The following RTN1 variants were observed in gnomAD, a reference collection of about 807,000 sequenced individuals.
The protein encoded by RTN1 is reticulon 1, also known as reticulon-1.
A neutral mutation model predicts 65.5 loss-of-function variants in RTN1; 25 were observed. The observed-to-expected ratio is 0.38, with a 90% confidence interval of 0.28 to 0.53. The LOEUF (loss-of-function observed/expected upper bound fraction) is 0.53, where lower values mean the gene tolerates loss of function less well. RTN1 is among the 20% of genes least tolerant of loss of function. RTN1 has a pLI of 0.79. For synonymous variants in RTN1, 471 were observed against 447.6 expected (o/e 1.05, Z -0.66); for missense variants, 983 against 1,025.4 (o/e 0.96, Z 0.57).
chr14:59,827,104 A>C (rs1359687346), intron 1 of RTN1, among the ~76,000 whole-genome samples: 2 of 152,050 alleles, frequency 1.3e-5, no homozygotes, highest in African/African-American at 4.8e-5. Context: ...TTTGAGACAG[A>C]GTCTCGCTCT....
chr14:59,654,219 A>G (rs1883074589), intron 3 of RTN1, among the ~76,000 whole-genome samples: 1 of 152,196 alleles, frequency 6.6e-6, no homozygotes, highest in Admixed American at 6.6e-5. Flanking sequence ...TGAGGTCGGG[A>G]GTTCGAGAAC....
intron 3 of RTN1, among the ~76,000 whole-genome samples, chr14:59,656,102 G>A (rs563301955): frequency 2.6e-5 from 4 of 152,142 alleles, no homozygotes; most frequent in Non-Finnish European, 4.4e-5. Context: ...AAAACATTAT[G>A]CTAGGAGAAA....
At chr14:59,808,033 A>C (rs1220770133) in intron 1 of RTN1, among the ~76,000 whole-genome samples, 3 of 152,192 alleles carry the variant, frequency 2.0e-5, no homozygotes, top group Non-Finnish European at 4.4e-5. Context: ...ATTATAAATT[A>C]TCTCTCTTCC....
chr14:59,663,142 C>T (rs1200704794), intron 3 of RTN1, among the ~76,000 whole-genome samples: 2 of 152,118 alleles, frequency 1.3e-5, no homozygotes, highest in South Asian at 2.1e-4. Flanking sequence ...TTTTGACAAA[C>T]CTGACAAGAA....
chr14:59,641,436 C>T (rs945638395), intron 3 of RTN1, among the ~76,000 whole-genome samples: 1 of 152,146 alleles, frequency 6.6e-6, no homozygotes, highest in Admixed American at 6.5e-5. Context: ...GTGGTGCGAT[C>T]TCAGCTCACT....
intron 1 of RTN1, among the ~76,000 whole-genome samples, chr14:59,857,351 T>C (rs1220310201): frequency 6.6e-6 from 1 of 152,184 alleles, no homozygotes; most frequent in Non-Finnish European, 1.5e-5. Context: ...TTATCTACAG[T>C]TGCCAAGTAG....
intron 1 of RTN1, among the ~76,000 whole-genome samples, chr14:59,778,602 G>C (rs1232627311): frequency 1.3e-5 from 2 of 152,172 alleles, no homozygotes; most frequent in Non-Finnish European, 2.9e-5. Flanking sequence ...AGTGAGGGAA[G>C]TTTGTAAACA....
At chr14:59,704,628 T>C (rs1049103089) in intron 3 of RTN1, among the ~76,000 whole-genome samples, 1 of 152,178 alleles carries the variant, frequency 6.6e-6, no homozygotes, top group Non-Finnish European at 1.5e-5. Flanking sequence ...AATTCAGCAT[T>C]GTGCTGTGCA....
At chr14:59,733,296 T>A (rs1884940171) in intron 2 of RTN1, among the ~76,000 whole-genome samples, 1 of 152,194 alleles carries the variant, frequency 6.6e-6, no homozygotes, top group Non-Finnish European at 1.5e-5. Context: ...TTTCACCATG[T>A]TGGCCATGCT....
Position 59,746,084 on chromosome 14 carries a change from G to A in RTN1, c.639C>T (p.Pro213=), listed in dbSNP as rs35699516. 5,143 of 1,613,904 alleles carry A rather than the reference G, an allele frequency of 3.2e-3. 139 individuals are homozygous for A. The African/African-American group carries it at 0.06, about 19-fold the overall frequency. The change falls in exon 2 of 9, where the codon CCC becomes CCT. Residue 213 remains proline, a synonymous_variant. Transcript: ENST00000267484. ...EEVKHQEQHH[P]ELEDKDLDFK... is the part of the protein sequence containing the mutation. ...AGTCCAAGTCTTTATCTTCCAGCTC[G>A]GGGTGATGTTGTTCTTGGTGCTTCA... is the stretch of plus-strand genomic sequence containing the variant.
At position 59,727,166 on chromosome 14, in the gene RTN1, G is replaced by C; in HGVS notation, c.1518C>G (p.Ala506=). The C allele has an allele frequency of 1.3e-6, 2 of 1,591,998 alleles. No homozygotes were observed. The highest frequency in any genetic ancestry group is 1.7e-6 in the Non-Finnish European group (2 of 1,169,270). Residue 506 remains alanine, a synonymous_variant, in exon 3 of 9, where the codon GCC becomes GCG. Coordinates refer to ENST00000267484, the MANE Select transcript of RTN1 (RefSeq NM_021136.3). The surrounding 1 kb of genome is among the most constrained non-coding windows in gnomAD (Gnocchi z 4.2). ...CCCGCCGGCTTGGCGCACGCTCCTC[G>C]GCCCGGACGCCAGTCTCCTCCCGGA... ...DAIREETGVR[A]EERAPSRRGL... is the part of the protein sequence containing the mutation.
At chr14:59,750,231 T>TATATATATTATATCTATAATATATA (rs1566713388) in intron 1 of RTN1, among the ~76,000 whole-genome samples, 6 of 39,542 alleles carry the variant, frequency 1.5e-4, no homozygotes, top group South Asian at 9.3e-4. Context: ...ATATCTATAA[T>TATATATATTATATCTATAATATATA]ATATATATTA....
chr14:59,827,836 T>C (rs1887061259), intron 1 of RTN1, among the ~76,000 whole-genome samples: 1 of 152,234 alleles, frequency 6.6e-6, no homozygotes. Context: ...TCTGGATATA[T>C]CTGCATTCAG....
chr14:59,621,848 G>A (rs1220102946), intron 3 of RTN1, among the ~76,000 whole-genome samples: 11 of 152,176 alleles, frequency 7.2e-5, no homozygotes, highest in Admixed American at 5.2e-4. Context: ...GACAAGTAGT[G>A]CAGCTATTTA....
Position 59,870,336 on chromosome 14 carries a change from A to G in RTN1, c.241+54T>C. 7.0e-7 allele frequency: 1 copy of G among 1,420,488 alleles called. No individual in the cohort carries two copies. The highest frequency in any genetic ancestry group is 9.2e-7 in the Non-Finnish European group (1 of 1,092,870). 88.0% of individuals were successfully genotyped at this position (1,420,488 alleles called of 1,614,324 possible). On this transcript the variant is annotated intron_variant, in intron 1 of 8. Transcript: ENST00000267484. This position sits in a 1 kb window ranked among gnomAD's most constrained non-coding sequence, Gnocchi z 5.1. ...AGGAGAGCCGCGCAGAAGGGGACTGACTGGGGGGCCCTGGTCCCCGACGCC... is the reference window on the plus strand; with the variant it reads ...AGGAGAGCCGCGCAGAAGGGGACTGGCTGGGGGGCCCTGGTCCCCGACGCC...
intron 1 of RTN1, among the ~76,000 whole-genome samples, chr14:59,796,140 A>G (rs1886434888): frequency 6.6e-6 from 1 of 152,142 alleles, no homozygotes; most frequent in Admixed American, 6.6e-5. Context: ...TAACTGTACC[A>G]TTTCTATACT....
At chr14:59,797,903 C>G (rs1886468573) in intron 1 of RTN1, among the ~76,000 whole-genome samples, 1 of 152,112 alleles carries the variant, frequency 6.6e-6, no homozygotes, top group African/African-American at 2.4e-5. Context: ...TTTTAAAAGA[C>G]TTTTAGTCAA....
rs1183062917 is a variant in RTN1, at chr14:59,746,060, G to A, written c.663C>T (p.Asp221=). 2 of 1,614,026 alleles carry A rather than the reference G, an allele frequency of 1.2e-6. No homozygotes were observed. Among genetic ancestry groups the A allele is most frequent in the Non-Finnish European group, 1.7e-6 (2 of 1,180,020 alleles). Residue 221 remains aspartate, a synonymous_variant, in exon 2 of 9, where the codon GAC becomes GAT. Transcript: ENST00000267484. ...AGATGTCAGTGTCTTTATTCTTAAA[G>A]TCCAAGTCTTTATCTTCCAGCTCGG... ...HHPELEDKDL[D]FKNKDTDISI...
At chr14:59,768,179 G>T (rs1885885737) in intron 1 of RTN1, among the ~76,000 whole-genome samples, 1 of 152,144 alleles carries the variant, frequency 6.6e-6, no homozygotes, top group African/African-American at 2.4e-5. Context: ...GGGAAAGAAT[G>T]GTCCTATTAT....
Sources: allele counts gnomAD v4.1 joint callset (sites outside exome capture counted in the v4.1 genomes callset), GRCh38; gene constraint gnomAD v4.1.1; non-coding constraint Gnocchi (gnomAD v3.1); transcripts MANE v1.5; gene names NCBI Gene and HGNC (gene_info 2026-07-23, HGNC 2026-07-21).